Variants in MCTP1 observed in about 807,000 individuals in gnomAD.
MCTP1 encodes multiple C2 and transmembrane domain containing 1, also known as multiple C2 and transmembrane domain-containing protein 1.
A neutral mutation model predicts 120.6 loss-of-function variants in MCTP1; 69 were observed. The ratio of observed to expected loss-of-function variants is 0.57; its 90% CI spans 0.47 to 0.70. The LOEUF is 0.70. Among genes scored for constraint, MCTP1 ranks in the 30% least tolerant of loss-of-function variants. The pLI is 0.00. For missense variants in MCTP1, 1,203 were observed against 1,248.8 expected (o/e 0.96, Z 0.55); for synonymous variants, 529 against 493.1 (o/e 1.07, Z -0.96).
chr5:94,725,795 C>G (rs1001244669), intron 19 of MCTP1, among the ~76,000 whole-genome samples: 1 of 152,144 alleles, frequency 6.6e-6, no homozygotes, highest in Non-Finnish European at 1.5e-5. Context: ...AATAATTCAA[C>G]CTACCTTTGC....
intron 2 of MCTP1, among the ~76,000 whole-genome samples, chr5:94,997,231 C>T (rs994128564): frequency 6.6e-6 from 1 of 152,252 alleles, no homozygotes; most frequent in Admixed American, 6.5e-5. Flanking sequence ...AATCAAAATC[C>T]CTCTAACCTT....
At position 95,002,728 on chromosome 5, in the gene MCTP1, C is replaced by A. The variant is rs138917070; in HGVS notation, c.838+14639G>T. Among the ~76,000 whole-genome samples the A allele has an allele frequency of 8.0e-3, 1,212 of 152,290 alleles. 11 individuals carry two copies. The highest frequency in any genetic ancestry group is 0.013 in the Non-Finnish European group (888 of 68,014). On this transcript the variant is annotated intron_variant, in intron 2 of 22. Transcript: ENST00000515393. Reference sequence around the variant, plus strand: ...TTTACAGGCTCATAGGCAGAAGGGACTTGCCTTGTCTCAGATAAGACTTTG... The same window carrying A: ...TTTACAGGCTCATAGGCAGAAGGGAATTGCCTTGTCTCAGATAAGACTTTG...
At chr5:94,970,118 A>G (rs1053616262) in intron 2 of MCTP1, among the ~76,000 whole-genome samples, 1 of 151,984 alleles carries the variant, frequency 6.6e-6, no homozygotes, top group East Asian at 1.9e-4. Flanking sequence ...AAATAATAGT[A>G]TGGTAAAGTG....
intron 2 of MCTP1, among the ~76,000 whole-genome samples, chr5:95,011,869 C>A (rs1254177820): frequency 6.6e-6 from 1 of 152,058 alleles, no homozygotes; most frequent in Non-Finnish European, 1.5e-5. Flanking sequence ...TTTAAGTTGG[C>A]TCCTATGTGA....
intron 1 of MCTP1, among the ~76,000 whole-genome samples, chr5:95,170,982 G>A (rs879795260): frequency 6.6e-6 from 1 of 151,926 alleles, no homozygotes; most frequent in Admixed American, 6.6e-5. Context: ...CTGCTCTTTA[G>A]TTGATGCAGT....
rs771441370 is a variant in MCTP1 at position 94,912,799 on chromosome 5, A to C, written c.1521+7T>G. ...TATTGACAGGAACACAATAGAGACA[A>C]GGTTACCTTGCTCTTGTACTTCTGA... is the stretch of plus-strand genomic sequence containing the variant. On this transcript the variant is annotated splice_region_variant and intron_variant, in intron 9 of 22. Coordinates refer to ENST00000515393, the MANE Select transcript of MCTP1 (RefSeq NM_024717.7). 3.2e-6 allele frequency: 5 copies of C among 1,550,242 alleles called. No individual in the cohort carries two copies.
At chr5:95,004,269 G>T (rs1350599548) in intron 2 of MCTP1, among the ~76,000 whole-genome samples, 2 of 152,318 alleles carry the variant, frequency 1.3e-5, no homozygotes, top group African/African-American at 2.4e-5. Context: ...CATGTGCAAA[G>T]AGATTATCTG....
At chr5:95,204,541 A>G (rs1751414647) in intron 1 of MCTP1, among the ~76,000 whole-genome samples, 1 of 152,194 alleles carries the variant, frequency 6.6e-6, no homozygotes, top group African/African-American at 2.4e-5. Context: ...TTACCAAGAG[A>G]ATAATATGAA....
chr5:95,192,359 A>AT (rs1449151182), intron 1 of MCTP1, among the ~76,000 whole-genome samples: 1 of 151,930 alleles, frequency 6.6e-6, no homozygotes, highest in South Asian at 2.1e-4. Context: ...GCCTATTTCC[A>AT]TTTTTCCCCT....
chr5:95,280,039 T>C (rs1195863042), intron 1 of MCTP1, among the ~76,000 whole-genome samples: 2 of 152,226 alleles, frequency 1.3e-5, no homozygotes, highest in Non-Finnish European at 2.9e-5. Flanking sequence ...GGAGTTGTGT[T>C]CTTTGAAGTC....
chr5:94,916,360 C>CTT (rs200602881), intron 8 of MCTP1, among the ~76,000 whole-genome samples: 2,557 of 152,182 alleles, frequency 0.017, 81 homozygotes, highest in African/African-American at 0.057. Context: ...ACTCAGTTTT[C>CTT]TTATGTTTGA....
chr5:95,172,351 G>T (rs1403673427), intron 1 of MCTP1, among the ~76,000 whole-genome samples: 1 of 152,184 alleles, frequency 6.6e-6, no homozygotes, highest in Non-Finnish European at 1.5e-5. Flanking sequence ...CTACTTGTGG[G>T]TCAGGGACCC....
Position 94,707,643 on chromosome 5 carries a change from G to C in MCTP1, c.2929-76C>G, listed in dbSNP as rs78742365. The C allele has an allele frequency of 4.5e-6, 5 of 1,117,376 alleles. No homozygotes were observed. The Admixed American group carries it at 6.9e-5, about 16-fold the overall frequency. The allele number at this position is 1,117,376 out of a possible 1,614,324, so 69.2% of individuals were successfully genotyped here. A position where few individuals can be genotyped will look rare whatever the true frequency, so the allele number is the denominator to read the frequency against. The stretch of plus-strand genomic sequence containing the variant: ...AAAGAAAGGAACAGCAAAGGAATGA[G>C]AGACGGTGCTTGGGGGAAGAAAGTG... On this transcript the variant is annotated intron_variant, in intron 22 of 22. Coordinates refer to ENST00000515393, the MANE Select transcript of MCTP1 (RefSeq NM_024717.7).
intron 1 of MCTP1, among the ~76,000 whole-genome samples, chr5:95,094,453 T>C (rs181729890): frequency 2.0e-5 from 3 of 152,364 alleles, no homozygotes; most frequent in Admixed American, 2.0e-4. Flanking sequence ...GAATCTTGAC[T>C]CATAAGATGT....
chr5:95,125,540 A>G (rs555912047), intron 1 of MCTP1, among the ~76,000 whole-genome samples: 1 of 152,344 alleles, frequency 6.6e-6, no homozygotes, highest in East Asian at 1.9e-4. Flanking sequence ...TCTCTAGCCA[A>G]TCTAAGTATT....
chr5:94,737,625 AG>A (rs1185861552), intron 19 of MCTP1, among the ~76,000 whole-genome samples: 1 of 152,178 alleles, frequency 6.6e-6, no homozygotes, highest in Non-Finnish European at 1.5e-5. Context: ...ATCAATAACC[AG>A]TTACATAAGT....
At chr5:95,141,564 T>C (rs187516461) in intron 1 of MCTP1, among the ~76,000 whole-genome samples, 120 of 152,344 alleles carry the variant, frequency 7.9e-4, no homozygotes, top group Non-Finnish European at 8.7e-4. Flanking sequence ...TGTGTTTTAC[T>C]TTTTGTTACC....
At chr5:95,091,518 A>G (rs1755840764) in intron 1 of MCTP1, among the ~76,000 whole-genome samples, 1 of 151,900 alleles carries the variant, frequency 6.6e-6, no homozygotes, top group Non-Finnish European at 1.5e-5. Context: ...TTGTGCAGCT[A>G]CCCCCTTGCT....
intron 2 of MCTP1, among the ~76,000 whole-genome samples, chr5:94,985,973 G>A (rs1303983450): frequency 6.6e-6 from 1 of 152,132 alleles, no homozygotes; most frequent in Non-Finnish European, 1.5e-5. Context: ...ATGTAAGTGG[G>A]AATGCATGCC....
Sources: allele counts gnomAD v4.1 joint callset (sites outside exome capture counted in the v4.1 genomes callset), GRCh38; gene constraint gnomAD v4.1.1; transcripts MANE v1.5; gene names NCBI Gene and HGNC (gene_info 2026-07-23, HGNC 2026-07-21).